The following SVIL variants were observed in gnomAD, a reference collection of about 807,000 sequenced individuals.
The protein encoded by SVIL is archvillin.
SVIL carries 101 observed loss-of-function variants against 240.4 expected under a neutral mutation model. The observed-to-expected ratio is 0.42, with a 90% confidence interval of 0.36 to 0.50. The LOEUF (loss-of-function observed/expected upper bound fraction) is 0.50. SVIL is among the 20% of genes least tolerant of loss of function. SVIL has a pLI of 0.01. For synonymous variants in SVIL, 999 were observed against 1,100.0 expected, an observed-to-expected ratio of 0.91 and a Z score of 1.82; for missense variants, 2,512 against 2,818.7, an observed-to-expected ratio of 0.89 and a Z score of 2.46.
At chr10:29,548,199 C>A (rs1243628785) in intron 6 of SVIL, among the ~76,000 whole-genome samples, 1 of 152,182 alleles carries the variant, frequency 6.6e-6, no homozygotes, top group Admixed American at 6.5e-5. Context: ...GGGTCTGCTT[C>A]ATATGTGTTA....
Position 29,549,167 on chromosome 10 carries a change from C to CA in SVIL, c.827+1429dup, listed in dbSNP as rs551015818. 3.8e-3 allele frequency among the ~76,000 whole-genome samples: 405 copies of CA among 105,924 alleles called. 4 individuals carry two copies. Among genetic ancestry groups the CA allele is most frequent in the South Asian group, 0.016 (60 of 3,640 alleles). 69.5% of individuals were successfully genotyped at this position (105,924 alleles called of 152,430 possible). On this transcript the variant is annotated intron_variant, in intron 6 of 37. Coordinates refer to ENST00000355867, the MANE Select transcript of SVIL (RefSeq NM_021738.3). Reference sequence around the variant, plus strand: ...TCTACAATGAACTCAAACAAATTTACAAAAAAAAAAACAAACAAACAACCC... The same window carrying CA: ...TCTACAATGAACTCAAACAAATTTACAAAAAAAAAAAACAAACAAACAACCC...
At chr10:29,507,772 C>T in intron 17 of SVIL, 2 of 985,338 alleles carry the variant, frequency 2.0e-6, no homozygotes, top group Non-Finnish European at 2.4e-6. Context: ...TATTTATGGG[C>T]AGCAGGAATA....
chr10:29,632,040 G>A (rs1958116241), intron 1 of SVIL, among the ~76,000 whole-genome samples: 1 of 152,212 alleles, frequency 6.6e-6, no homozygotes, highest in African/African-American at 2.4e-5. Context: ...ATGATTCCAA[G>A]GCTGCCTTTG....
intron 2 of SVIL, among the ~76,000 whole-genome samples, chr10:29,563,991 C>G (rs71489680): frequency 2.6e-5 from 4 of 152,110 alleles, no homozygotes; most frequent in African/African-American, 9.7e-5. Context: ...CTCCAAGACC[C>G]TAAGAGGTAC....
intron 16 of SVIL, among the ~76,000 whole-genome samples, chr10:29,519,275 G>A (rs567307612): frequency 1.4e-4 from 21 of 152,112 alleles, no homozygotes; most frequent in African/African-American, 3.6e-4. Flanking sequence ...TAATCTGAGC[G>A]CACCGCGGTC....
intron 1 of SVIL, among the ~76,000 whole-genome samples, chr10:29,705,007 T>C (rs1218770597): frequency 6.6e-6 from 1 of 152,226 alleles, no homozygotes; most frequent in Non-Finnish European, 1.5e-5. Context: ...TTGGTGCTGA[T>C]TTTTAAAGCA....
chr10:29,470,512 G>A, intron 31 of SVIL, 29 bp from the exon 32 acceptor site: 2 of 1,612,570 alleles, frequency 1.2e-6, no homozygotes, highest in Middle Eastern at 1.7e-4. Context: ...GCGCGGAGGA[G>A]TTAGCACGTG....
chr10:29,709,074 A>C lies in SVIL; in HGVS notation c.-399-22423T>G, dbSNP rs75826749. 3.0e-3 allele frequency among the ~76,000 whole-genome samples: 451 copies of C among 152,314 alleles called. 21 individuals are homozygous for C. The East Asian group carries it at 0.08, about 27-fold the overall frequency. ...AACCGAAGAAGCCTAACATTTGACC[A>C]ATCAGAGTTCTAAAAACCACAGAAA... On this transcript the variant is annotated intron_variant, in intron 1 of 35. Transcript: ENST00000375400.
chr10:29,531,682 C>G (rs1432307754), intron 9 of SVIL, among the ~76,000 whole-genome samples: 4 of 152,156 alleles, frequency 2.6e-5, no homozygotes, highest in Non-Finnish European at 5.9e-5. Flanking sequence ...ACTGTAAAAT[C>G]TGGTGAATAT....
At chr10:29,649,082 C>T (rs751871893) in intron 3 of SVIL, among the ~76,000 whole-genome samples, 2 of 152,090 alleles carry the variant, frequency 1.3e-5, no homozygotes, top group Admixed American at 6.6e-5. Context: ...ATCCTTTAAG[C>T]CCAAGAGGTC....
At chr10:29,541,889 T>C (rs1273617019) in intron 6 of SVIL, among the ~76,000 whole-genome samples, 2 of 152,166 alleles carry the variant, frequency 1.3e-5, no homozygotes, top group Non-Finnish European at 2.9e-5. Context: ...TAATGATATT[T>C]ATGAGCAGCC....
At chr10:29,621,845 T>TA (rs898634743) in intron 1 of SVIL, among the ~76,000 whole-genome samples, 1 of 115,116 alleles carries the variant, frequency 8.7e-6, no homozygotes, top group African/African-American at 3.3e-5. Context: ...CACACACACA[T>TA]ACAAACACAC....
At chr10:29,527,738 T>G (rs1312627147) in intron 12 of SVIL, among the ~76,000 whole-genome samples, 1 of 146,980 alleles carries the variant, frequency 6.8e-6, no homozygotes, top group Non-Finnish European at 1.5e-5. Flanking sequence ...TTTTTTTTTT[T>G]TTTTTTTGAC....
Position 29,533,413 on chromosome 10 carries a change from G to C in SVIL, c.954C>G (p.Asn318Lys). 6.2e-7 allele frequency: 1 copy of C among 1,614,004 alleles called. No homozygotes were observed. The highest frequency in any genetic ancestry group is 8.5e-7 in the Non-Finnish European group (1 of 1,179,996). ...CGGACTCTGAGGCGAGTTCAGGGCT[G>C]TTTCGAGCACTTTCCTCTTTCACCA... is the stretch of plus-strand genomic sequence containing the variant. ...EKLVKEESARNSPELASESVT... is the reference protein window; with the variant it reads ...EKLVKEESARKSPELASESVT... The change falls in exon 8 of 38, where the codon AAC (asparagine) becomes AAG (lysine). Residue 318 changes from asparagine to lysine, a missense_variant. Physicochemically the swap from Asn to Lys is moderately conservative, Grantham distance 94. Transcript: ENST00000355867.
intron 1 of SVIL, among the ~76,000 whole-genome samples, chr10:29,593,583 T>C (rs1379509264): frequency 2.0e-5 from 3 of 152,216 alleles, no homozygotes; most frequent in South Asian, 2.1e-4. Flanking sequence ...TTCCACTCTC[T>C]GCCTCCCGGC....
At chr10:29,561,717 G>C (rs933631407) in intron 3 of SVIL, among the ~76,000 whole-genome samples, 1 of 152,060 alleles carries the variant, frequency 6.6e-6, no homozygotes, top group Non-Finnish European at 1.5e-5. Context: ...TGAAAACTCT[G>C]GGGGAGAGCC....
intron 17 of SVIL, among the ~76,000 whole-genome samples, chr10:29,500,566 A>T (rs951429647): frequency 2.0e-5 from 3 of 152,018 alleles, no homozygotes; most frequent in Non-Finnish European, 4.4e-5. Context: ...TTCAAACTAC[A>T]TCTGAGCACT....
At position 29,533,104 on chromosome 10, in the gene SVIL, A is replaced by G. The variant is rs562302129; in HGVS notation, c.1263T>C (p.His421=). 82 of 1,613,938 alleles carry G rather than the reference A, an allele frequency of 5.1e-5. No homozygotes were observed. Among genetic ancestry groups the G allele is most frequent in the Admixed American group, 2.0e-4 (12 of 59,992 alleles). The change falls in exon 8 of 38, where the codon CAT becomes CAC. Residue 421 remains histidine, a synonymous_variant. Coordinates refer to ENST00000355867, the MANE Select transcript of SVIL (RefSeq NM_021738.3). The stretch of plus-strand genomic sequence containing the variant: ...CTTCTTCTGCTTTTGACTCGCAGAC[A>G]TGGAGAACTGGGCTATCCCTTCCGT... ...EGDGRDSPVL[H]VCESKAEEEE...
rs768341099 is a variant in SVIL at position 29,533,239 on chromosome 10, G to A, written c.1128C>T (p.Thr376=). 139 of 1,613,982 alleles carry A rather than the reference G, an allele frequency of 8.6e-5. No individual in the cohort carries two copies. The highest frequency in any genetic ancestry group is 1.2e-4 in the Non-Finnish European group (136 of 1,180,034). The part of the protein sequence containing the change: ...GYVQPADTGH[T]AKLVTPETPE... The stretch of plus-strand genomic sequence containing the variant: ...GGGTTTCTGGCGTCACTAGCTTGGC[G>A]GTGTGACCGGTATCTGCGGGTTGGA... The change falls in exon 8 of 38, where the codon ACC becomes ACT. Residue 376 remains threonine (T), a synonymous_variant. Transcript: ENST00000355867.
Sources: allele counts gnomAD v4.1 joint callset (sites outside exome capture counted in the v4.1 genomes callset), GRCh38; gene constraint gnomAD v4.1.1; transcripts MANE v1.5; gene names NCBI Gene and HGNC (gene_info 2026-07-23, HGNC 2026-07-21).